Variants in PRKCA observed in about 807,000 individuals in gnomAD.
The protein encoded by PRKCA is protein kinase C alpha, also known as protein kinase C alpha type.
In PRKCA, 27 loss-of-function variants were observed where a neutral mutation model predicts 87.0. The ratio of observed to expected loss-of-function variants is 0.31; its 90% confidence interval spans 0.23 to 0.43. The LOEUF (loss-of-function observed/expected upper bound fraction) is 0.43, where lower values mean the gene tolerates loss of function less well. Among genes scored for constraint, PRKCA ranks in the 20% least tolerant of loss-of-function variants. The probability of loss-of-function intolerance (pLI) is 1.00; values close to 1 mark genes in which losing one functional copy is unlikely to be tolerated. For synonymous variants in PRKCA, 329 were observed against 311.1 expected (o/e 1.06, Z -0.61); for missense variants, 518 against 852.3 (o/e 0.61, Z 4.88).
At chr17:66,564,147 C>T (rs1968815790) in intron 3 of PRKCA, among the ~76,000 whole-genome samples, 2 of 151,882 alleles carry the variant, frequency 1.3e-5, no homozygotes, top group African/African-American at 4.8e-5. Context: ...GGGGCCATCT[C>T]GGCTCTGTGC....
At chr17:66,330,324 C>G (rs1185864713) in intron 2 of PRKCA, among the ~76,000 whole-genome samples, 1 of 152,012 alleles carries the variant, frequency 6.6e-6, no homozygotes. Context: ...CTAGGTTGGT[C>G]TCGAGCTCCT....
intron 8 of PRKCA, among the ~76,000 whole-genome samples, chr17:66,700,822 C>T (rs1181351053): frequency 6.6e-6 from 1 of 152,088 alleles, no homozygotes; most frequent in Non-Finnish European, 1.5e-5. Context: ...GAAGATATCG[C>T]CTGTTCCTGG....
At chr17:66,583,916 T>C (rs1160643004) in intron 3 of PRKCA, among the ~76,000 whole-genome samples, 2 of 152,204 alleles carry the variant, frequency 1.3e-5, no homozygotes, top group Non-Finnish European at 2.9e-5. Context: ...GGTAAGACTA[T>C]TCTAAGACAC....
At chr17:66,507,028 C>T (rs1245494328) in intron 3 of PRKCA, among the ~76,000 whole-genome samples, 2 of 152,126 alleles carry the variant, frequency 1.3e-5, no homozygotes, top group Non-Finnish European at 1.5e-5. Context: ...ATGTATTTAG[C>T]GTCTCTTATG....
rs867306313 is a variant in PRKCA, at chr17:66,482,121, A to G, written c.206-14080A>G. Among the ~76,000 whole-genome samples, 1,126 of 148,238 alleles carry G rather than the reference A, an allele frequency of 7.6e-3. 10 individuals are homozygous for G. The highest frequency in any genetic ancestry group is 0.028 in the African/African-American group (1,053 of 38,284). On this transcript the variant is annotated intron_variant, in intron 2 of 16. Transcript: ENST00000413366. ...CTCAAAAAAAAAAAAAAAAAAAGAA[A>G]AAAAGAAAAAAAAGAAAGTGGATCG...
rs531291420 is a variant in PRKCA at position 66,803,632 on chromosome 17, C to T, written c.1855-241C>T. On this transcript the variant is annotated intron_variant, in intron 16 of 16. Coordinates refer to ENST00000413366, the MANE Select transcript of PRKCA (RefSeq NM_002737.3). This position sits in a 1 kb window ranked among gnomAD's most constrained non-coding sequence, Gnocchi z 4.4. ...CCCTTGTTGCTGCCTCATTGCCAGCCGTGCAATTCCCACCCAGGGCTTCTG... is the reference window on the plus strand; with the variant it reads ...CCCTTGTTGCTGCCTCATTGCCAGCTGTGCAATTCCCACCCAGGGCTTCTG... Among the ~76,000 whole-genome samples, 12 of 147,276 alleles carry T rather than the reference C, an allele frequency of 8.1e-5. No homozygotes were observed. Among genetic ancestry groups the T allele is most frequent in the East Asian group, 4.1e-4 (2 of 4,902 alleles).
At chr17:66,410,317 A>C (rs1238615657) in intron 2 of PRKCA, among the ~76,000 whole-genome samples, 1 of 152,098 alleles carries the variant, frequency 6.6e-6, no homozygotes, top group Non-Finnish European at 1.5e-5. Flanking sequence ...TGAACACTGC[A>C]AAAAGATTTC....
At chr17:66,331,670 C>G (rs772092530) in intron 2 of PRKCA, among the ~76,000 whole-genome samples, 43 of 152,250 alleles carry the variant, frequency 2.8e-4, no homozygotes, top group African/African-American at 3.4e-4. Context: ...CACTTCCACT[C>G]AAAGTCATTG....
Position 66,732,967 on chromosome 17 carries a change from C to T in PRKCA, c.1056+142C>T, listed in dbSNP as rs553771935. 5.3e-4 allele frequency: 554 copies of T among 1,053,434 alleles called. 1 individual carries two copies. Among genetic ancestry groups the T allele is most frequent in the Non-Finnish European group, 6.7e-4 (501 of 752,496 alleles). 65.3% of individuals were successfully genotyped at this position (1,053,434 alleles called of 1,614,324 possible). On this transcript the variant is annotated intron_variant, in intron 9 of 16. Coordinates refer to ENST00000413366, the MANE Select transcript of PRKCA (RefSeq NM_002737.3). ...GAGATCAAGACCATCCTGGCTAACACGGTGAAGCCCCATCTCTACTAAAAA... is the reference window on the plus strand; with the variant it reads ...GAGATCAAGACCATCCTGGCTAACATGGTGAAGCCCCATCTCTACTAAAAA...
intron 8 of PRKCA, among the ~76,000 whole-genome samples, chr17:66,716,549 G>A (rs889777169): frequency 1.3e-5 from 2 of 152,066 alleles, no homozygotes; most frequent in Admixed American, 6.5e-5. Context: ...TGGGGAGAAC[G>A]CGGTACAAGG....
chr17:66,790,369 C>T (rs1975499358), intron 16 of PRKCA, among the ~76,000 whole-genome samples: 1 of 152,202 alleles, frequency 6.6e-6, no homozygotes, highest in African/African-American at 2.4e-5. Flanking sequence ...TTGTATCTGA[C>T]ACCCCCGCCT....
intron 3 of PRKCA, among the ~76,000 whole-genome samples, chr17:66,602,902 C>T (rs968381995): frequency 2.6e-5 from 4 of 152,152 alleles, no homozygotes; most frequent in African/African-American, 7.2e-5. Flanking sequence ...TCTTCCGGGG[C>T]GGTAACCGGG....
At chr17:66,394,083 A>G (rs1453415566) in intron 2 of PRKCA, among the ~76,000 whole-genome samples, 1 of 152,208 alleles carries the variant, frequency 6.6e-6, no homozygotes, top group Admixed American at 6.5e-5. Context: ...AAAAAAAAAG[A>G]AAGAGTGACA....
At chr17:66,621,930 A>C (rs1390148686) in intron 3 of PRKCA, among the ~76,000 whole-genome samples, 1 of 152,240 alleles carries the variant, frequency 6.6e-6, no homozygotes, top group African/African-American at 2.4e-5. Context: ...GGCTGGTTGC[A>C]GTGGCTCCTA....
intron 8 of PRKCA, among the ~76,000 whole-genome samples, chr17:66,729,360 C>T (rs576124494): frequency 3.5e-4 from 54 of 152,240 alleles, no homozygotes; most frequent in African/African-American, 1.3e-3. Context: ...GCTGGGATCG[C>T]ACCACTGCAC....
chr17:66,393,302 C>T (rs1309342546), intron 2 of PRKCA, among the ~76,000 whole-genome samples: 11 of 152,152 alleles, frequency 7.2e-5, no homozygotes, highest in African/African-American at 2.2e-4. Context: ...GACACATCTT[C>T]GAGCAGCCCC....
At chr17:66,414,052 G>T (rs1018569580) in intron 2 of PRKCA, among the ~76,000 whole-genome samples, 10 of 151,456 alleles carry the variant, frequency 6.6e-5, no homozygotes, top group African/African-American at 2.4e-4. Context: ...AACGAAAGAT[G>T]CATATAAATA....
chr17:66,519,353 A>G (rs2144211729), intron 3 of PRKCA, among the ~76,000 whole-genome samples: 1 of 152,288 alleles, frequency 6.6e-6, no homozygotes, highest in East Asian at 1.9e-4. Flanking sequence ...GAATGTTTTT[A>G]TTAGCAAGTT....
At chr17:66,661,292 C>T (rs1287591707) in intron 5 of PRKCA, among the ~76,000 whole-genome samples, 1 of 110,276 alleles carries the variant, frequency 9.1e-6, no homozygotes, top group Non-Finnish European at 1.7e-5. Context: ...GACTGGAGGG[C>T]AGATATGGGG....
Sources: gnomAD v4.1 joint callset for allele counts (sites outside exome capture counted in the v4.1 genomes callset) on GRCh38, gnomAD v4.1.1 for gene constraint, Gnocchi (gnomAD v3.1) non-coding constraint, MANE v1.5 for transcripts, NCBI Gene and HGNC (gene_info 2026-07-23, HGNC 2026-07-21) for gene names.